Variants in NFIX observed in about 807,000 individuals in gnomAD.
NFIX encodes the protein nuclear factor I X, also known as nuclear factor 1 X-type.
NFIX carries 2 observed loss-of-function variants against 53.3 expected under a neutral mutation model. The observed-to-expected ratio is 0.04, with a 90% confidence interval of 0.02 to 0.12. The LOEUF is 0.12. Ranked by LOEUF, NFIX falls within the 10% of genes least tolerant of loss-of-function variation. NFIX has a pLI of 1.00. For synonymous variants in NFIX, 244 were observed against 289.0 expected (o/e 0.84, Z 1.58); for missense variants, 310 against 674.5 (o/e 0.46, Z 5.99).
Position 13,051,962 on chromosome 19 carries a change from G to C in NFIX, c.560-21085G>C, listed in dbSNP as rs2015357069. On this transcript the variant is annotated intron_variant, in intron 2 of 10. Coordinates refer to ENST00000592199, the MANE Select transcript of NFIX (RefSeq NM_001365902.3). This position sits in a 1 kb window ranked among gnomAD's most constrained non-coding sequence, Gnocchi z 5.1. The stretch of plus-strand genomic sequence containing the variant: ...CTCCGCTCCGGCTTCATGCTCTCCA[G>C]GTTTCTCCACTTCCTTTGCAGACCT... Among the ~76,000 whole-genome samples, 2 of 152,146 alleles carry C rather than the reference G, an allele frequency of 1.3e-5. No homozygotes were observed. Among genetic ancestry groups the C allele is most frequent in the Non-Finnish European group, 2.9e-5 (2 of 68,024 alleles).
intron 2 of NFIX, among the ~76,000 whole-genome samples, chr19:13,044,687 C>T (rs1455178079): frequency 1.3e-5 from 2 of 152,168 alleles, no homozygotes; most frequent in Non-Finnish European, 2.9e-5. Flanking sequence ...TTCCCGTTCG[C>T]TCAGCAGCTG....
chr19:13,054,215 T>G (rs2015507979), intron 2 of NFIX, among the ~76,000 whole-genome samples: 1 of 151,792 alleles, frequency 6.6e-6, no homozygotes, highest in Non-Finnish European at 1.5e-5. Flanking sequence ...CGGTGGGGGT[T>G]GGGGGACAAG....
intron 8 of NFIX, among the ~76,000 whole-genome samples, chr19:13,086,400 A>G (rs1227309854): frequency 6.6e-6 from 1 of 152,326 alleles, no homozygotes; most frequent in East Asian, 1.9e-4. Context: ...TGTGAATTCC[A>G]GGTCTGGCCA....
chr19:13,073,397 C>T lies in NFIX; in HGVS notation c.623-25C>T, dbSNP rs374923907. 6.2e-7 allele frequency: 1 copy of T among 1,602,136 alleles called. No individual in the cohort carries two copies. Among genetic ancestry groups the T allele is most frequent in the Non-Finnish European group, 8.6e-7 (1 of 1,169,012 alleles). On this transcript the variant is annotated intron_variant, in intron 3 of 10. Transcript: ENST00000592199. The surrounding 1 kb of genome is among the most constrained non-coding windows in gnomAD (Gnocchi z 4.5). ...CAGCCCCCTTCTGGCCTTGTCTTGACTCACTCATCCTTTCCCCTCTTCAGG... is the reference window on the plus strand; with the variant it reads ...CAGCCCCCTTCTGGCCTTGTCTTGATTCACTCATCCTTTCCCCTCTTCAGG...
chr19:13,035,265 C>T lies in NFIX; in HGVS notation c.559+9713C>T, dbSNP rs965049893. 7.9e-5 allele frequency among the ~76,000 whole-genome samples: 12 copies of T among 152,328 alleles called. 1 individual carries two copies. In the South Asian group the frequency reaches 1.0e-3, roughly 13 times the overall value. On this transcript the variant is annotated intron_variant, in intron 2 of 10. Coordinates refer to ENST00000592199, the MANE Select transcript of NFIX (RefSeq NM_001365902.3). Reference sequence around the variant, plus strand: ...ACTCCTGTGTGTCCTGTGTTGTTTTCGCTTTTCCGGATAGCAGAGCCCTGG... The same window carrying T: ...ACTCCTGTGTGTCCTGTGTTGTTTTTGCTTTTCCGGATAGCAGAGCCCTGG...
intron 2 of NFIX, among the ~76,000 whole-genome samples, chr19:13,026,397 C>T (rs1179076385): frequency 6.6e-6 from 1 of 151,772 alleles, no homozygotes; most frequent in African/African-American, 2.4e-5. Flanking sequence ...AAAAAAAACT[C>T]TGTAAAATCT....
Position 13,081,689 on chromosome 19 carries a change from G to C in NFIX, c.1088G>C (p.Arg363Pro). The C allele has an allele frequency of 6.2e-7, 1 of 1,612,834 alleles. No homozygotes were observed. The highest frequency in any genetic ancestry group is 8.5e-7 in the Non-Finnish European group (1 of 1,179,094). Reference protein sequence around the residue: ...VLAGVRPGSPRATASALHFPS... With the variant: ...VLAGVRPGSPPATASALHFPS... ...GCCCACGTGCATGCAGGGAGCCCCCGGGCCACAGCATCAGCCCTGCACTTC... is the reference window on the plus strand; with the variant it reads ...GCCCACGTGCATGCAGGGAGCCCCCCGGCCACAGCATCAGCCCTGCACTTC... Residue 363 changes from arginine (R) to proline (P), a missense_variant, in exon 8 of 11, where the codon CGG (arginine) becomes CCG (proline). Coordinates refer to ENST00000592199, the MANE Select transcript of NFIX (RefSeq NM_001365902.3). This position sits in a 1 kb window ranked among gnomAD's most constrained non-coding sequence, Gnocchi z 4.7.
chr19:13,024,540 G>T (rs2013161039), intron 1 of NFIX: 1 of 1,528,004 alleles, frequency 6.5e-7, no homozygotes, highest in Non-Finnish European at 8.8e-7. Flanking sequence ...ACCAGAGGCG[G>T]CCCCGCACGC....
At chr19:13,065,731 C>T (rs1870367284) in intron 2 of NFIX, among the ~76,000 whole-genome samples, 1 of 152,146 alleles carries the variant, frequency 6.6e-6, no homozygotes, top group South Asian at 2.1e-4. Context: ...CCCAGTGCCT[C>T]CTGGCTTCTT....
chr19:13,054,927 T>C (rs920109196), intron 2 of NFIX, among the ~76,000 whole-genome samples: 1 of 151,892 alleles, frequency 6.6e-6, no homozygotes, highest in African/African-American at 2.4e-5. Flanking sequence ...TGGGGGGTTT[T>C]CCCCCCCTCT....
Position 13,007,978 on chromosome 19 carries a change from ACAT to A in NFIX, c.27+12119_27+12121del, listed in dbSNP as rs1175884473. On this transcript the variant is annotated intron_variant, in intron 1 of 10. Coordinates refer to ENST00000592199, the MANE Select transcript of NFIX (RefSeq NM_001365902.3). ...TAGGCCTGTGCCTACAGAGACACAG[ACAT>A]CATCCTGTGGCCTAAACACCAGGTA... Among the ~76,000 whole-genome samples the A allele has an allele frequency of 2.0e-5, 3 of 152,288 alleles. No individual in the cohort carries two copies. The East Asian group carries it at 5.8e-4, about 29-fold the overall frequency.
intron 1 of NFIX, among the ~76,000 whole-genome samples, chr19:12,999,894 C>G (rs1184869841): frequency 6.6e-6 from 1 of 152,234 alleles, no homozygotes; most frequent in Non-Finnish European, 1.5e-5. Context: ...CGGCTCTGGC[C>G]CTGCCTGATT....
At chr19:13,017,761 C>T (rs558241451) in intron 1 of NFIX, among the ~76,000 whole-genome samples, 45 of 152,336 alleles carry the variant, frequency 3.0e-4, no homozygotes, top group African/African-American at 1.1e-3. Flanking sequence ...TGGGCACAGA[C>T]CTCATCTTCA....
rs2145160171 is a variant in NFIX, at chr19:13,013,492, CG to C, written c.28-11525del. 6.6e-6 allele frequency among the ~76,000 whole-genome samples: 1 copy of C among 152,258 alleles called. No individual in the cohort carries two copies. The highest frequency in any genetic ancestry group is 2.4e-5 in the African/African-American group (1 of 41,536). Reference sequence around the variant, plus strand: ...TGACTCAGCCCGCTGCAGCTGCGCCCGGGGAGGTGACCCTGGGGCAGCGGCT... The same window carrying C: ...TGACTCAGCCCGCTGCAGCTGCGCCCGGGAGGTGACCCTGGGGCAGCGGCT... On this transcript the variant is annotated intron_variant, in intron 1 of 10. Transcript: ENST00000592199. The surrounding 1 kb of genome is among the most constrained non-coding windows in gnomAD (Gnocchi z 5.9).
chr19:13,035,228 T>C (rs987667265), intron 2 of NFIX, among the ~76,000 whole-genome samples: 1 of 152,254 alleles, frequency 6.6e-6, no homozygotes, highest in Non-Finnish European at 1.5e-5. Flanking sequence ...ACTGAACCTC[T>C]GAGCATCGTC....
At chr19:13,030,346 G>A (rs960962482) in intron 2 of NFIX, among the ~76,000 whole-genome samples, 2 of 152,168 alleles carry the variant, frequency 1.3e-5, no homozygotes, top group South Asian at 4.1e-4. Flanking sequence ...GATTAAACCA[G>A]CTAATATGTA....
At chr19:13,015,693 C>G (rs1022216319) in intron 1 of NFIX, among the ~76,000 whole-genome samples, 2 of 152,166 alleles carry the variant, frequency 1.3e-5, no homozygotes, top group African/African-American at 4.8e-5. Context: ...CTCGGCGGGT[C>G]CTGTTTGTCC....
At chr19:13,053,323 G>A (rs918425627) in intron 2 of NFIX, among the ~76,000 whole-genome samples, 2 of 152,076 alleles carry the variant, frequency 1.3e-5, no homozygotes, top group Admixed American at 6.5e-5. Flanking sequence ...CCTCTTGGCT[G>A]TAGCTCCCTC....
In NFIX at chr19:13,036,640, C is replaced by A. The variant is rs1428325413; in HGVS notation, c.559+11088C>A. On this transcript the variant is annotated intron_variant, in intron 2 of 10. Coordinates refer to ENST00000592199, the MANE Select transcript of NFIX (RefSeq NM_001365902.3). This position sits in a 1 kb window ranked among gnomAD's most constrained non-coding sequence, Gnocchi z 4.7. Reference sequence around the variant, plus strand: ...TCCTTATTATGCCTGCAGATTATATCCCCATTAGCGCATAATTATTATATA... The same window carrying A: ...TCCTTATTATGCCTGCAGATTATATACCCATTAGCGCATAATTATTATATA... Among the ~76,000 whole-genome samples, 1 of 152,096 alleles carries A rather than the reference C, an allele frequency of 6.6e-6. No individual in the cohort carries two copies. Among genetic ancestry groups the A allele is most frequent in the Non-Finnish European group, 1.5e-5 (1 of 68,004 alleles).
Sources: gnomAD v4.1 joint callset for allele counts (sites outside exome capture counted in the v4.1 genomes callset) on GRCh38, gnomAD v4.1.1 for gene constraint, Gnocchi (gnomAD v3.1) non-coding constraint, MANE v1.5 for transcripts, NCBI Gene and HGNC (gene_info 2026-07-23, HGNC 2026-07-21) for gene names.